The following MYO18B variants were observed in gnomAD, a reference collection of about 807,000 sequenced individuals.
MYO18B encodes the protein unconventional myosin-XVIIIb.
Under a neutral mutation model 273.0 loss-of-function variants are expected in MYO18B, and 204 were observed. The ratio of observed to expected loss-of-function variants is 0.75; its 90% CI spans 0.67 to 0.84. The LOEUF is 0.84. Ranked by LOEUF, MYO18B falls within the 40% of genes least tolerant of loss-of-function variation. The pLI is 0.00. For synonymous variants in MYO18B, 1,330 were observed against 1,305.7 expected (o/e 1.02, Z -0.40); for missense variants, 3,212 against 3,287.6 (o/e 0.98, Z 0.56).
chr22:25,822,749 C>G (rs1655589263), intron 12 of MYO18B, among the ~76,000 whole-genome samples: 1 of 152,202 alleles, frequency 6.6e-6, no homozygotes, highest in Non-Finnish European at 1.5e-5. Flanking sequence ...AAATTCTTGG[C>G]CTTTTTAAAG....
intron 8 of MYO18B, 92 bp downstream of exon 8, chr22:25,777,873 T>C: frequency 1.6e-6 from 2 of 1,267,846 alleles, no homozygotes; most frequent in Non-Finnish European, 2.2e-6. Context: ...TTCATTCAGC[T>C]AGCATTCACT....
intron 39 of MYO18B, among the ~76,000 whole-genome samples, chr22:25,961,517 C>T (rs900320959): frequency 2.0e-5 from 3 of 152,108 alleles, no homozygotes; most frequent in African/African-American, 7.2e-5. Context: ...CTGGAGACTC[C>T]AGGAGCCATT....
At chr22:25,878,090 A>G (rs1185356950) in intron 25 of MYO18B, 42 bp downstream of exon 25, 2 of 1,462,342 alleles carry the variant, frequency 1.4e-6, no homozygotes, top group African/African-American at 2.8e-5. Flanking sequence ...GGGGGTCTTT[A>G]TGTATGTGAG....
rs1167294385 is a variant in MYO18B at position 25,997,318 on chromosome 22, A to C, written c.6287+4825A>C. On this transcript the variant is annotated intron_variant, in intron 40 of 43. Coordinates refer to ENST00000335473, the MANE Select transcript of MYO18B (RefSeq NM_032608.7). ...AAACTCTGTCGCCAAAAAAAAAAAA[A>C]AAAAAAAAAAAACGAAGGAAAAAAG... 6.6e-5 allele frequency among the ~76,000 whole-genome samples: 10 copies of C among 150,418 alleles called. 1 individual carries two copies. Among genetic ancestry groups the C allele is most frequent in the African/African-American group, 2.0e-4 (8 of 40,776 alleles).
rs762516694 is a variant in MYO18B at position 25,781,812 on chromosome 22, G to A, written c.2290G>A (p.Ala764Thr). 86 of 1,590,166 alleles carry A rather than the reference G, an allele frequency of 5.4e-5. No individual in the cohort carries two copies. The highest frequency in any genetic ancestry group is 5.5e-5 in the Non-Finnish European group (64 of 1,169,550). Residue 764 changes from alanine (A) to threonine (T), a missense_variant, in exon 10 of 44, where the codon GCT (alanine) becomes ACT (threonine). Physicochemically the swap from Ala to Thr is moderately conservative, Grantham distance 58 (BLOSUM62 0). Transcript: ENST00000335473. ...SNFLVFSQML[A>T]GLDLDLRTEL... is the part of the protein sequence containing the mutation. ...CTTCCTGGTTTTCTCCCAGATGCTGGCTGGATTGGACTTGGATCTCAGGTG... is the reference window on the plus strand; with the variant it reads ...CTTCCTGGTTTTCTCCCAGATGCTGACTGGATTGGACTTGGATCTCAGGTG...
At position 25,752,420 on chromosome 22, in the gene MYO18B, C is replaced by A. The variant is rs978662466; in HGVS notation, c.-109-8564C>A. Among the ~76,000 whole-genome samples the A allele has an allele frequency of 3.6e-4, 54 of 151,662 alleles. 1 individual carries two copies. Among genetic ancestry groups the A allele is most frequent in the African/African-American group, 1.0e-3 (43 of 41,246 alleles). On this transcript the variant is annotated intron_variant, in intron 1 of 43. Transcript: ENST00000335473. ...GCCGGGATGGTCTCGATCTCCTGAC[C>A]TCGTGATCCGCCCGCCTCGGCCTCA...
Position 25,946,169 on chromosome 22 carries a change from C to T in MYO18B, c.5550C>T (p.Ala1850=). Residue 1850 remains alanine (A), a synonymous_variant, in exon 35 of 44, where the codon GCC becomes GCT. Transcript: ENST00000335473. The stretch of plus-strand genomic sequence containing the variant: ...AGAGTGAAGCCAAGTGTGAGGAGGC[C>T]TTGAAGACGCAGAAGGTGCTCACAG... The part of the protein sequence containing the change: ...LEQSEAKCEE[A]LKTQKVLTAD... 2 of 1,573,694 alleles carry T rather than the reference C, an allele frequency of 1.3e-6. No individual in the cohort carries two copies. Among genetic ancestry groups the T allele is most frequent in the Non-Finnish European group, 1.7e-6 (2 of 1,163,192 alleles).
chr22:25,838,309 C>T (rs1337898430), intron 17 of MYO18B, among the ~76,000 whole-genome samples: 1 of 152,146 alleles, frequency 6.6e-6, no homozygotes, highest in Non-Finnish European at 1.5e-5. Context: ...AGCAATTCTC[C>T]TGCCTCAGCT....
chr22:25,989,923 G>A (rs2093246350), intron 39 of MYO18B, among the ~76,000 whole-genome samples: 4 of 152,258 alleles, frequency 2.6e-5, no homozygotes, highest in Middle Eastern at 3.4e-3. Context: ...AGTGTCTTTT[G>A]TTTCCTCTGA....
intron 16 of MYO18B, among the ~76,000 whole-genome samples, chr22:25,834,665 C>G (rs545769518): frequency 6.6e-6 from 1 of 152,124 alleles, no homozygotes; most frequent in Non-Finnish European, 1.5e-5. Context: ...TCAGAGAGGC[C>G]CTTTAAACTC....
chr22:25,862,807 G>T (rs894011267), intron 21 of MYO18B, among the ~76,000 whole-genome samples: 1 of 150,856 alleles, frequency 6.6e-6, no homozygotes, highest in African/African-American at 2.4e-5. Flanking sequence ...TATTCTATTT[G>T]GAATTCAATG....
chr22:25,881,429 G>A (rs2091331168), intron 25 of MYO18B, among the ~76,000 whole-genome samples: 1 of 152,248 alleles, frequency 6.6e-6, no homozygotes, highest in Non-Finnish European at 1.5e-5. Context: ...GCGAGAGCAA[G>A]CTGTCTGACC....
chr22:25,786,830 A>G (rs879408440), intron 11 of MYO18B, among the ~76,000 whole-genome samples: 4 of 152,238 alleles, frequency 2.6e-5, no homozygotes, highest in African/African-American at 9.6e-5. Flanking sequence ...ACTCAACCCA[A>G]CAAAAAAGAT....
intron 34 of MYO18B, among the ~76,000 whole-genome samples, chr22:25,921,736 GTGTGTA>G (rs1377012870): frequency 2.0e-5 from 2 of 97,720 alleles, no homozygotes; most frequent in African/African-American, 3.2e-5. Context: ...GTGTGTGTGT[GTGTGTA>G]TGTGTATGTG....
intron 24 of MYO18B, 22 bp downstream of exon 24, chr22:25,876,354 G>A: frequency 1.3e-6 from 2 of 1,588,490 alleles, no homozygotes; most frequent in Non-Finnish European, 1.7e-6. Context: ...TGGCAGGCAG[G>A]GTGCTGGGTG....
chr22:25,926,135 G>A (rs915555257), intron 34 of MYO18B, among the ~76,000 whole-genome samples: 1 of 151,902 alleles, frequency 6.6e-6, no homozygotes, highest in Non-Finnish European at 1.5e-5. Context: ...AACCTAGGAG[G>A]TGGAGCTTGC....
chr22:25,916,477 A>G (rs1427299285), intron 33 of MYO18B, among the ~76,000 whole-genome samples: 1 of 152,182 alleles, frequency 6.6e-6, no homozygotes, highest in African/African-American at 2.4e-5. Flanking sequence ...TTAAGATAAT[A>G]CATTTACCTG....
At chr22:25,958,716 C>G (rs1427133260) in intron 39 of MYO18B, among the ~76,000 whole-genome samples, 3 of 152,120 alleles carry the variant, frequency 2.0e-5, no homozygotes, top group Non-Finnish European at 4.4e-5. Context: ...AAAGTCTAGT[C>G]TTGCTGCTGA....
intron 39 of MYO18B, among the ~76,000 whole-genome samples, chr22:25,966,983 C>G (rs954083451): frequency 1.4e-4 from 22 of 152,170 alleles, no homozygotes; most frequent in Non-Finnish European, 2.9e-4. Context: ...ATAATTGGGT[C>G]TATTACTCCC....
Sources: allele counts gnomAD v4.1 joint callset (sites outside exome capture counted in the v4.1 genomes callset), GRCh38; gene constraint gnomAD v4.1.1; transcripts MANE v1.5; gene names NCBI Gene and HGNC (gene_info 2026-07-23, HGNC 2026-07-21).